CNTN4: variants seen among roughly 807,000 people sequenced by gnomAD.
CNTN4 encodes contactin-4.
Under a neutral mutation model 122.5 loss-of-function variants are expected in CNTN4, and 77 were observed. That is an observed-to-expected ratio of 0.63 (90% confidence interval 0.52 to 0.76). The LOEUF (loss-of-function observed/expected upper bound fraction) is 0.76. Ranked by LOEUF, CNTN4 falls within the 30% of genes least tolerant of loss-of-function variation. The probability of loss-of-function intolerance (pLI) is 0.00; values close to 1 mark genes in which losing one functional copy is unlikely to be tolerated. For missense variants in CNTN4, 1,256 were observed against 1,259.1 expected (o/e 1.00, Z 0.04); for synonymous variants, 512 against 447.0 (o/e 1.15, Z -1.83).
intron 13 of CNTN4, chr3:2,927,437 A>G: frequency 2.5e-6 from 1 of 402,336 alleles, no homozygotes. Context: ...GAAGTGCAAC[A>G]CTTGCACTTT....
chr3:2,602,573 C>T (rs1287862074), intron 4 of CNTN4, among the ~76,000 whole-genome samples: 1 of 152,128 alleles, frequency 6.6e-6, no homozygotes, highest in Non-Finnish European at 1.5e-5. Flanking sequence ...CAAAACACTG[C>T]TCAACAAAAT....
At chr3:2,641,741 T>A (rs1022679717) in intron 4 of CNTN4, among the ~76,000 whole-genome samples, 2 of 152,206 alleles carry the variant, frequency 1.3e-5, no homozygotes, top group African/African-American at 4.8e-5. Context: ...GTGAATTTTT[T>A]AAATTTTGTT....
chr3:2,197,294 A>C (rs1190008482), intron 2 of CNTN4, among the ~76,000 whole-genome samples: 1 of 152,150 alleles, frequency 6.6e-6, no homozygotes, highest in African/African-American at 2.4e-5. Flanking sequence ...GTGATGGCAC[A>C]CTTTTAAACT....
At chr3:2,923,241 G>A (rs2094444894) in intron 12 of CNTN4, among the ~76,000 whole-genome samples, 1 of 151,812 alleles carries the variant, frequency 6.6e-6, no homozygotes, top group South Asian at 2.1e-4. Context: ...GTTTTAAGAA[G>A]GGATTTTTAT....
At chr3:2,303,766 T>G (rs1014964723) in intron 2 of CNTN4, among the ~76,000 whole-genome samples, 1 of 152,086 alleles carries the variant, frequency 6.6e-6, no homozygotes, top group African/African-American at 2.4e-5. Flanking sequence ...AGCTCCAAGT[T>G]TATGGTTTCT....
intron 4 of CNTN4, among the ~76,000 whole-genome samples, chr3:2,696,619 A>G (rs1162561135): frequency 6.6e-6 from 1 of 152,150 alleles, no homozygotes; most frequent in Admixed American, 6.6e-5. Context: ...AATTTATATT[A>G]TTTGTTAATG....
intron 2 of CNTN4, among the ~76,000 whole-genome samples, chr3:2,295,145 C>T (rs1404445725): frequency 3.4e-5 from 5 of 145,186 alleles, no homozygotes; most frequent in African/African-American, 1.3e-4. Context: ...CATACATGGG[C>T]TTGTGTCTTT....
intron 4 of CNTN4, among the ~76,000 whole-genome samples, chr3:2,688,565 G>A (rs889966186): frequency 3.9e-5 from 6 of 152,206 alleles, no homozygotes; most frequent in African/African-American, 1.4e-4. Context: ...TGTGATTCCT[G>A]TTATTGGACA....
intron 2 of CNTN4, among the ~76,000 whole-genome samples, chr3:2,184,038 C>T (rs926342114): frequency 2.6e-5 from 4 of 152,056 alleles, no homozygotes; most frequent in African/African-American, 9.7e-5. Flanking sequence ...GCGGCGTGAT[C>T]ATGGCTTACT....
At chr3:2,309,050 A>G (rs1171522030) in intron 2 of CNTN4, among the ~76,000 whole-genome samples, 1 of 152,098 alleles carries the variant, frequency 6.6e-6, no homozygotes, top group Non-Finnish European at 1.5e-5. Context: ...TATTTAAAGA[A>G]GGATTTTGAA....
intron 13 of CNTN4, among the ~76,000 whole-genome samples, chr3:2,941,773 A>C (rs1437513212): frequency 6.6e-6 from 1 of 152,168 alleles, no homozygotes; most frequent in Non-Finnish European, 1.5e-5. Flanking sequence ...TTAAGATAGA[A>C]GCTAAGCTGT....
intron 4 of CNTN4, among the ~76,000 whole-genome samples, chr3:2,587,238 C>T (rs1300373976): frequency 6.6e-6 from 1 of 152,090 alleles, no homozygotes; most frequent in Non-Finnish European, 1.5e-5. Context: ...TATGATAATT[C>T]AAAGAACAAA....
chr3:2,129,657 C>G (rs2034357629), intron 2 of CNTN4, among the ~76,000 whole-genome samples: 1 of 151,776 alleles, frequency 6.6e-6, no homozygotes, highest in African/African-American at 2.4e-5. Context: ...GCTCTTCACC[C>G]TGTTATTAAA....
intron 2 of CNTN4, among the ~76,000 whole-genome samples, chr3:2,190,303 T>TTGTGTG (rs10685358): frequency 5.6e-4 from 84 of 149,442 alleles, no homozygotes; most frequent in African/African-American, 1.8e-3. Flanking sequence ...CACATCTGAC[T>TTGTGTG]TGTGTGTGTG....
rs1472372542 is a variant in CNTN4 at position 2,408,169 on chromosome 3, C to T, written c.-89+68936C>T. 2.0e-5 allele frequency among the ~76,000 whole-genome samples: 3 copies of T among 152,272 alleles called. No individual in the cohort carries two copies. The East Asian group carries it at 5.8e-4, about 29-fold the overall frequency. ...TTTTTCTGTACATCCTAAGAGAGGGCTTGGACTAGGCCATTTCTGTATTGA... is the reference window on the plus strand; with the variant it reads ...TTTTTCTGTACATCCTAAGAGAGGGTTTGGACTAGGCCATTTCTGTATTGA... On this transcript the variant is annotated intron_variant, in intron 3 of 24. Transcript: ENST00000418658.
intron 2 of CNTN4, among the ~76,000 whole-genome samples, chr3:2,203,673 G>A (rs1021820846): frequency 1.3e-5 from 2 of 151,992 alleles, no homozygotes; most frequent in African/African-American, 4.8e-5. Flanking sequence ...CACTAAGTCA[G>A]CTCACTACTC....
chr3:2,695,623 T>A (rs1516386), intron 4 of CNTN4, among the ~76,000 whole-genome samples: 27,388 of 152,108 alleles, frequency 0.18, 2,841 homozygotes, highest in South Asian at 0.44. Flanking sequence ...GGGGAAGGGA[T>A]GTTATAGAGA....
At position 3,050,911 on chromosome 3, in the gene CNTN4, T is replaced by C. The variant is rs559981774; in HGVS notation, c.2812-2896T>C. ...ATCTTTGAAATCAGAATAATAACAT[T>C]GCCTTCCTTAAGAGGTTATCCACAT... On this transcript the variant is annotated intron_variant, in intron 23 of 24. Coordinates refer to ENST00000418658, the MANE Select transcript of CNTN4 (RefSeq NM_175607.3). Among the ~76,000 whole-genome samples the C allele has an allele frequency of 7.9e-5, 12 of 152,278 alleles. 1 individual carries two copies. In the South Asian group the frequency reaches 2.5e-3, roughly 32 times the overall value.
At chr3:2,775,933 A>G (rs1056284469) in intron 6 of CNTN4, among the ~76,000 whole-genome samples, 1 of 152,168 alleles carries the variant, frequency 6.6e-6, no homozygotes, top group Non-Finnish European at 1.5e-5. Flanking sequence ...CAGTTAACAT[A>G]TATTTGTTGA....
Sources: allele counts gnomAD v4.1 joint callset (sites outside exome capture counted in the v4.1 genomes callset), GRCh38; gene constraint gnomAD v4.1.1; transcripts MANE v1.5; gene names NCBI Gene and HGNC (gene_info 2026-07-23, HGNC 2026-07-21).